Variants in TBC1D1 observed in about 807,000 individuals in gnomAD.
The protein encoded by TBC1D1 is TBC1 (tre-2/USP6, BUB2, cdc16) domain family, member 1.
A neutral mutation model predicts 125.6 loss-of-function variants in TBC1D1; 89 were observed. The observed-to-expected ratio is 0.71, with a 90% CI of 0.60 to 0.85. The LOEUF is 0.85. Ranked by LOEUF, TBC1D1 falls within the 40% of genes least tolerant of loss-of-function variation. TBC1D1 has a pLI of 0.00. For missense variants in TBC1D1, 1,377 were observed against 1,469.2 expected, an observed-to-expected ratio of 0.94 and a Z score of 1.03; for synonymous variants, 565 against 564.1, an observed-to-expected ratio of 1.00 and a Z score of -0.02.
chr4:37,891,776 G>A (rs1713383761), intron 1 of TBC1D1, among the ~76,000 whole-genome samples: 2 of 151,206 alleles, frequency 1.3e-5, no homozygotes, highest in Admixed American at 1.3e-4. Context: ...AACTTTGGCA[G>A]CTCCACCAGT....
chr4:37,941,335 T>C (rs1404167656), intron 2 of TBC1D1, among the ~76,000 whole-genome samples: 3 of 152,230 alleles, frequency 2.0e-5, no homozygotes, highest in Admixed American at 6.5e-5. Context: ...TGTTCTCTGA[T>C]GGTAGTTTGT....
chr4:37,972,328 A>G (rs1732196359), intron 2 of TBC1D1, among the ~76,000 whole-genome samples: 1 of 151,932 alleles, frequency 6.6e-6, no homozygotes, highest in African/African-American at 2.4e-5. Flanking sequence ...CTAAAAATAC[A>G]AAATTAGCCA....
chr4:38,032,058 C>A (rs1746258346), intron 7 of TBC1D1, among the ~76,000 whole-genome samples: 1 of 152,182 alleles, frequency 6.6e-6, no homozygotes, highest in South Asian at 2.1e-4. Context: ...GTGGCTCATG[C>A]CTGTAATTCC....
At chr4:38,086,970 AC>A (rs1757587279) in intron 12 of TBC1D1, among the ~76,000 whole-genome samples, 1 of 151,978 alleles carries the variant, frequency 6.6e-6, no homozygotes, top group African/African-American at 2.4e-5. Flanking sequence ...TATGGCTCTG[AC>A]CCTTACTAGC....
chr4:38,031,775 A>T (rs897020929), intron 7 of TBC1D1, among the ~76,000 whole-genome samples: 1 of 152,206 alleles, frequency 6.6e-6, no homozygotes, highest in Non-Finnish European at 1.5e-5. Flanking sequence ...CTGCAGGTAC[A>T]TGCCACCTTG....
intron 1 of TBC1D1, among the ~76,000 whole-genome samples, chr4:37,900,336 G>C (rs2995922): frequency 0.3 from 45,973 of 151,562 alleles, 8,021 homozygotes; most frequent in Middle Eastern, 0.39. Flanking sequence ...GACAGTAAGT[G>C]TAGACCTTAC....
intron 17 of TBC1D1, among the ~76,000 whole-genome samples, chr4:38,121,107 G>C (rs1181450252): frequency 6.6e-6 from 1 of 152,198 alleles, no homozygotes; most frequent in Non-Finnish European, 1.5e-5. Context: ...GCCGCGTGAT[G>C]ATGAGTGTGT....
chr4:37,950,965 T>C (rs1415745498), intron 2 of TBC1D1, among the ~76,000 whole-genome samples: 1 of 152,116 alleles, frequency 6.6e-6, no homozygotes, highest in Non-Finnish European at 1.5e-5. Flanking sequence ...GGTTTCACCA[T>C]GTTGGCCAAG....
At chr4:38,125,307 TTGTGAGCG>T (rs1764466512) in intron 18 of TBC1D1, among the ~76,000 whole-genome samples, 176 bp downstream of exon 20, 2 of 152,168 alleles carry the variant, frequency 1.3e-5, no homozygotes, top group Admixed American at 1.3e-4. Flanking sequence ...AGTGTGTGTG[TTGTGAGCG>T]TCATGGTGAA....
intron 2 of TBC1D1, among the ~76,000 whole-genome samples, chr4:37,975,955 C>G (rs1242116097): frequency 6.6e-6 from 1 of 152,150 alleles, no homozygotes; most frequent in Non-Finnish European, 1.5e-5. Flanking sequence ...CCCACAATCC[C>G]CCATGATCCT....
chr4:38,097,767 T>C (rs1364307421), intron 14 of TBC1D1, among the ~76,000 whole-genome samples: 6 of 152,310 alleles, frequency 3.9e-5, no homozygotes, highest in African/African-American at 1.4e-4. Context: ...TGTGAGCCAC[T>C]GCACCCGGCC....
intron 2 of TBC1D1, among the ~76,000 whole-genome samples, chr4:38,006,200 G>A (rs1436551581): frequency 6.6e-6 from 1 of 151,984 alleles, no homozygotes; most frequent in Non-Finnish European, 1.5e-5. Flanking sequence ...ATTCCAGGAG[G>A]CTTTGGTGAC....
intron 2 of TBC1D1, chr4:37,960,704 C>CA: frequency 6.2e-7 from 1 of 1,614,130 alleles, no homozygotes; most frequent in Non-Finnish European, 8.5e-7. Flanking sequence ...GCTTTTCTGC[C>CA]AAAAAGATGA....
intron 2 of TBC1D1, among the ~76,000 whole-genome samples, chr4:37,993,600 GA>G (rs757539782): frequency 2.0e-5 from 3 of 151,848 alleles, no homozygotes; most frequent in Non-Finnish European, 2.9e-5. Flanking sequence ...ATTTATTTTT[GA>G]GATGCAGTCT....
At chr4:37,904,784 A>G (rs1716941021) in intron 2 of TBC1D1, among the ~76,000 whole-genome samples, 1 of 152,198 alleles carries the variant, frequency 6.6e-6, no homozygotes, top group Non-Finnish European at 1.5e-5. Flanking sequence ...ATAGGTATAT[A>G]CCTCAATCAG....
chr4:38,058,430 G>A (rs1349482911), intron 12 of TBC1D1, among the ~76,000 whole-genome samples: 1 of 152,212 alleles, frequency 6.6e-6, no homozygotes, highest in African/African-American at 2.4e-5. Context: ...GCGTGCACAA[G>A]ACTCTGTTCC....
At chr4:38,036,199 CAG>C (rs1393255948) in intron 8 of TBC1D1, among the ~76,000 whole-genome samples, 1 of 152,202 alleles carries the variant, frequency 6.6e-6, no homozygotes, top group African/African-American at 2.4e-5. Context: ...GGTGGAAATA[CAG>C]AGTCTCCCTC....
chr4:38,104,159 C>CAAAAAAAAAAA (rs71658758), intron 15 of TBC1D1, among the ~76,000 whole-genome samples: 1 of 83,960 alleles, frequency 1.2e-5, no homozygotes, highest in Non-Finnish European at 2.3e-5. Flanking sequence ...GACTCTGTCT[C>CAAAAAAAAAAA]AAAAAAAAAA....
At chr4:38,011,087 C>T (rs1165718553) in intron 2 of TBC1D1, among the ~76,000 whole-genome samples, 1 of 152,140 alleles carries the variant, frequency 6.6e-6, no homozygotes, top group Non-Finnish European at 1.5e-5. Context: ...CACAGTGGCT[C>T]ACGCCTGTAA....
Sources: allele counts gnomAD v4.1 joint callset (sites outside exome capture counted in the v4.1 genomes callset), GRCh38; gene constraint gnomAD v4.1.1; transcripts MANE v1.5; gene names NCBI Gene and HGNC (gene_info 2026-07-23, HGNC 2026-07-21).